PLEC: variants seen among roughly 807,000 people sequenced by gnomAD.
PLEC encodes plectin, also known as hemidesmosomal protein 1.
A neutral mutation model predicts 392.8 loss-of-function variants in PLEC; 216 were observed. That is an observed-to-expected ratio of 0.55 (90% CI 0.49 to 0.62). The LOEUF is 0.62. Ranked by LOEUF, PLEC falls within the 20% of genes least tolerant of loss-of-function variation. The pLI is 0.00. For missense variants in PLEC, 6,863 were observed against 6,563.4 expected, an observed-to-expected ratio of 1.05 and a Z score of -1.58; for synonymous variants, 3,621 against 2,980.6, an observed-to-expected ratio of 1.21 and a Z score of -7.00.
upstream of PLEC, among the ~76,000 whole-genome samples, chr8:143,941,594 C>A (rs1248807870): frequency 2.6e-5 from 4 of 152,092 alleles, no homozygotes; most frequent in African/African-American, 9.7e-5. Context: ...CTGGCTCAAG[C>A]TCCCCTTCCC....
intron 1 of PLEC, among the ~76,000 whole-genome samples, chr8:143,966,505 G>T (rs945031602): frequency 6.6e-6 from 1 of 152,218 alleles, no homozygotes; most frequent in Admixed American, 6.5e-5. Context: ...TACCTCCACA[G>T]CCACCACGGG....
chr8:143,930,509 T>C lies in PLEC; in HGVS notation c.2332A>G (p.Lys778Glu), dbSNP rs375748443. Residue 778 changes from lysine to glutamate, a missense_variant, in exon 20 of 32, where the codon AAG becomes GAG. Transcript: ENST00000345136. ...QDEKEQLNEY[K>E]GHLSGLAKRA... ...TTGGCCAGGCCTGAGAGGTGGCCCT[T>C]GTACTCGTTCAGCTGTTCCTTCTCG... The C allele has an allele frequency of 6.3e-7, 1 of 1,597,012 alleles. No individual in the cohort carries two copies. The highest frequency in any genetic ancestry group is 8.5e-7 in the Non-Finnish European group (1 of 1,172,180).
rs782475966 is a variant in PLEC at position 143,924,074 on chromosome 8, C to A, written c.5855G>T (p.Arg1952Leu). 1 of 1,597,674 alleles carries A rather than the reference C, an allele frequency of 6.3e-7. No homozygotes were observed. Among genetic ancestry groups the A allele is most frequent in the Non-Finnish European group, 8.5e-7 (1 of 1,179,170 alleles). Residue 1952 changes from arginine (R) to leucine (L), a missense_variant, in exon 31 of 32, where the codon CGC becomes CTC. Arg to Leu is a moderately radical substitution (Grantham distance 102, BLOSUM62 -2). Transcript: ENST00000345136. ...GCGCAGCGTGTCCTCCGCGTTGCTGCGGATGCGTCCCAGCTCCAGCTCCAG... is the reference window on the plus strand; with the variant it reads ...GCGCAGCGTGTCCTCCGCGTTGCTGAGGATGCGTCCCAGCTCCAGCTCCAG... ...AELELELGRIRSNAEDTLRSK... is the reference protein window; with the variant it reads ...AELELELGRILSNAEDTLRSK...
chr8:143,932,289 G>A (rs948964705), intron 16 of PLEC, 55 bp from the exon 17 acceptor site: 34 of 1,606,714 alleles, frequency 2.1e-5, no homozygotes, highest in South Asian at 1.3e-4. Flanking sequence ...GCTCTGCCAC[G>A]CTCCCAGCAA....
In PLEC at chr8:143,933,057, C is replaced by T. The variant is rs3134597; in HGVS notation, c.1473G>A (p.Arg491=). 6.3e-7 allele frequency: 1 copy of T among 1,592,498 alleles called. No individual in the cohort carries two copies. The highest frequency in any genetic ancestry group is 1.8e-5 in the Admixed American group (1 of 56,904). ...LVAIRTEYNL[R]LKAGVAAPAT... ...CAGGGGCCGCCACGCCTGCCTTCAG[C>T]CGTAGGTTGTACTCGGTGCGGATGG... Residue 491 remains arginine (R), a synonymous_variant, in exon 14 of 32, where the codon CGG becomes CGA. Coordinates refer to ENST00000345136, the MANE Select transcript of PLEC (RefSeq NM_201384.3).
At chr8:143,922,446 C>T (rs1034564379) in intron 31 of PLEC, 51 bp from the exon 32 acceptor site, 2 of 1,600,914 alleles carry the variant, frequency 1.2e-6, no homozygotes, top group Non-Finnish European at 1.7e-6. Flanking sequence ...GAGCACCCAT[C>T]ACCCACCAAA....
chr8:143,976,168 A>C (rs7013938), upstream of PLEC, among the ~76,000 whole-genome samples: 67,253 of 151,812 alleles, frequency 0.44, 15,853 homozygotes, highest in African/African-American at 0.6. Context: ...CCCGGGCCGC[A>C]GCTCCAGCGG....
At chr8:143,949,746 C>G (rs1340932223) in intron 1 of PLEC, among the ~76,000 whole-genome samples, 1 of 152,320 alleles carries the variant, frequency 6.6e-6, no homozygotes, top group Admixed American at 6.5e-5. Flanking sequence ...CATCAACCCC[C>G]GCGGCAAGGG....
rs143293850 is a variant in PLEC, at chr8:143,938,996, T to TC, written c.113-305dup. Among the ~76,000 whole-genome samples the TC allele has an allele frequency of 0.3, 45,840 of 151,262 alleles. 8,360 individuals are homozygous for TC. The highest frequency in any genetic ancestry group is 0.41 in the Non-Finnish European group (27,648 of 67,738). On this transcript the variant is annotated intron_variant, in intron 1 of 31. Coordinates refer to ENST00000345136, the MANE Select transcript of PLEC (RefSeq NM_201384.3). ...AGGGCACACAAGTCCCGTCCTGCAG[T>TC]CCCCCCCGGCCTCTACAGACTGAGA...
At chr8:143,964,863 C>T (rs1554741758) in intron 1 of PLEC, among the ~76,000 whole-genome samples, 2 of 152,176 alleles carry the variant, frequency 1.3e-5, no homozygotes, top group East Asian at 1.9e-4. Context: ...TCAAAAGACA[C>T]ATTCATTTGA....
At chr8:143,949,959 T>C (rs954301305) in intron 1 of PLEC, among the ~76,000 whole-genome samples, 17 of 151,786 alleles carry the variant, frequency 1.1e-4, no homozygotes, top group African/African-American at 3.6e-4. Context: ...GGCTCCTCCT[T>C]GGCCTACACA....
In PLEC at chr8:143,924,806, C is replaced by G; in HGVS notation, c.5123G>C (p.Arg1708Pro). 1.3e-6 allele frequency: 2 copies of G among 1,539,066 alleles called. No homozygotes were observed. The highest frequency in any genetic ancestry group is 2.4e-5 in the East Asian group (1 of 40,974). The change falls in exon 31 of 32, where the codon CGC becomes CCC. Residue 1708 changes from arginine to proline, a missense_variant. Transcript: ENST00000345136. Reference protein sequence around the residue: ...RQLAEGTAQQRLAAEQELIRL... With the variant: ...RQLAEGTAQQPLAAEQELIRL... ...GATCAACTCCTGCTCCGCGGCCAGG[C>G]GCTGCTGCGCGGTGCCTTCCGCCAG... is the stretch of plus-strand genomic sequence containing the variant.
Position 143,919,617 on chromosome 8 carries a change from C to T in PLEC, c.10204G>A (p.Val3402Met), listed in dbSNP as rs561251865. 52 of 1,584,018 alleles carry T rather than the reference C, an allele frequency of 3.3e-5. No individual in the cohort carries two copies. The highest frequency in any genetic ancestry group is 2.2e-4 in the African/African-American group (16 of 74,244). Residue 3402 changes from valine to methionine, a missense_variant, in exon 32 of 32, where the codon GTG becomes ATG. Val to Met is a conservative substitution (Grantham distance 21). Coordinates refer to ENST00000345136, the MANE Select transcript of PLEC (RefSeq NM_201384.3). ...TGGACATACAGGCGCTGGTTCCGCACGGGGTCCACCAGGAAGCCAGTGGCC... is the reference window on the plus strand; with the variant it reads ...TGGACATACAGGCGCTGGTTCCGCATGGGGTCCACCAGGAAGCCAGTGGCC... The part of the protein sequence containing the change: ...QAATGFLVDP[V>M]RNQRLYVHEA...
At position 143,926,806 on chromosome 8, in the gene PLEC, A is replaced by G. The variant is rs1586956033; in HGVS notation, c.4022T>C (p.Leu1341Pro). 2.5e-6 allele frequency: 4 copies of G among 1,613,760 alleles called. No individual in the cohort carries two copies. Among genetic ancestry groups the G allele is most frequent in the East Asian group, 2.2e-5 (1 of 44,874 alleles). ...TACCTCCTCCTCCTCCATGCGCCGCAGAGTCTCGCTGATGAACTTGATGTA... is the reference window on the plus strand; with the variant it reads ...TACCTCCTCCTCCTCCATGCGCCGCGGAGTCTCGCTGATGAACTTGATGTA... ...SQYIKFISET[L>P]RRMEEEERLA... Residue 1341 changes from leucine to proline, a missense_variant, in exon 30 of 32, where the codon CTG becomes CCG. Coordinates refer to ENST00000345136, the MANE Select transcript of PLEC (RefSeq NM_201384.3).
chr8:143,929,913 C>T (rs1554712344), intron 22 of PLEC, 23 bp downstream of exon 22: 12 of 1,606,700 alleles, frequency 7.5e-6, no homozygotes, highest in East Asian at 4.5e-5. Context: ...CCCAGAGAGC[C>T]CCCGGCTCGG....
At chr8:143,938,590 A>G (rs1829714872) in intron 2 of PLEC, 41 bp downstream of exon 2, 2 of 1,605,258 alleles carry the variant, frequency 1.2e-6, no homozygotes, top group African/African-American at 1.3e-5. Context: ...CGCCTCCCAC[A>G]GCCTCAGCCC....
In PLEC at chr8:143,938,581, G is replaced by A. The variant is rs7844225; in HGVS notation, c.174+50C>T. 52,438 of 1,591,472 alleles carry A rather than the reference G, an allele frequency of 0.033. 10,631 individuals carry two copies. In the African/African-American group the frequency reaches 0.52, roughly 16 times the overall value. ...GCGGCAGGGGCCACCCTCCCTCAGCGCCTCCCACAGCCTCAGCCCCTGTGA... is the reference window on the plus strand; with the variant it reads ...GCGGCAGGGGCCACCCTCCCTCAGCACCTCCCACAGCCTCAGCCCCTGTGA... On this transcript the variant is annotated intron_variant, in intron 2 of 31. Transcript: ENST00000345136.
upstream of PLEC, among the ~76,000 whole-genome samples, chr8:143,940,450 TG>T (rs1244277449): frequency 6.6e-6 from 1 of 151,612 alleles, no homozygotes; most frequent in African/African-American, 2.4e-5. Flanking sequence ...ACCCCAGGGG[TG>T]GGGGGTGCTG....
In PLEC at chr8:143,923,024, G is replaced by A. The variant is rs782731442; in HGVS notation, c.6905C>T (p.Ala2302Val). ...CTTCTCTGCCAAGGCCCGCTGCTGT[G>A]CCAGGTCCTCCTCTGCCAGCTGCCG... ...RLRQLAEEDL[A>V]QQRALAEKML... is the part of the protein sequence containing the mutation. The change falls in exon 31 of 32, where the codon GCA becomes GTA. Residue 2302 changes from alanine (A) to valine (V), a missense_variant. Transcript: ENST00000345136. 1.9e-6 allele frequency: 3 copies of A among 1,611,586 alleles called. No individual in the cohort carries two copies. The highest frequency in any genetic ancestry group is 1.1e-5 in the South Asian group (1 of 90,936).
Sources: allele counts gnomAD v4.1 joint callset (sites outside exome capture counted in the v4.1 genomes callset), GRCh38; gene constraint gnomAD v4.1.1; transcripts MANE v1.5; gene names NCBI Gene and HGNC (gene_info 2026-07-23, HGNC 2026-07-21).